Variants in MAST2 observed in about 807,000 individuals in gnomAD.
MAST2 encodes the protein microtubule associated serine/threonine kinase 2.
A neutral mutation model predicts 147.4 loss-of-function variants in MAST2; 70 were observed. The observed-to-expected ratio is 0.47, with a 90% CI of 0.39 to 0.58. MAST2 has a LOEUF of 0.58. Among genes scored for constraint, MAST2 ranks in the 20% least tolerant of loss-of-function variants. The pLI is 0.00. For synonymous variants in MAST2, 869 were observed against 896.8 expected (o/e 0.97, Z 0.55); for missense variants, 2,080 against 2,302.3 (o/e 0.90, Z 1.98).
chr1:45,952,825 A>G (rs941597763), intron 4 of MAST2, among the ~76,000 whole-genome samples: 20 of 152,234 alleles, frequency 1.3e-4, no homozygotes, highest in Admixed American at 1.0e-3. Flanking sequence ...ATTTATTACT[A>G]TCAGATCCTC....
At position 45,997,796 on chromosome 1, in the gene MAST2, G is replaced by T; in HGVS notation, c.665G>T (p.Arg222Leu). 7 of 1,613,926 alleles carry T rather than the reference G, an allele frequency of 4.3e-6. No individual in the cohort carries two copies. The highest frequency in any genetic ancestry group is 5.9e-6 in the Non-Finnish European group (7 of 1,179,862). ...APAHFSFVPA[R>L]RTDGRRWSLA... ...GCTCACTTTTCTTTTGTTCCTGCCCGTAGGTAAGTTGATAGGAAACCTCCT... is the reference window on the plus strand; with the variant it reads ...GCTCACTTTTCTTTTGTTCCTGCCCTTAGGTAAGTTGATAGGAAACCTCCT... The change falls in exon 6 of 29, where the codon CGT becomes CTT. Residue 222 changes from arginine (R) to leucine (L), a missense_variant. Physicochemically the swap from Arg to Leu is moderately radical, Grantham distance 102. Coordinates refer to ENST00000361297, the MANE Select transcript of MAST2 (RefSeq NM_015112.3).
rs369073448 is a variant in MAST2, at chr1:45,813,392, C to T, written c.177+9320C>T. Among the ~76,000 whole-genome samples the T allele has an allele frequency of 5.3e-5, 8 of 151,576 alleles. No individual in the cohort carries two copies. The South Asian group carries it at 1.5e-3, about 28-fold the overall frequency. On this transcript the variant is annotated intron_variant, in intron 1 of 28. Transcript: ENST00000361297. ...TTGCTCAGGCTGGAGTGCAGTGGTG[C>T]GATCTCAGCTCACTGGAACCTCTGC...
At chr1:46,021,620 A>C (rs993715785) in intron 11 of MAST2, among the ~76,000 whole-genome samples, 2 of 152,184 alleles carry the variant, frequency 1.3e-5, no homozygotes, top group Admixed American at 6.5e-5. Flanking sequence ...TGGACTGGGC[A>C]TCTGAATACA....
rs112828521 is a variant in MAST2, at chr1:46,019,725, G to A, written c.1290+28G>A. 6.0e-3 allele frequency: 9,508 copies of A among 1,592,718 alleles called. 37 individuals are homozygous for A. Among genetic ancestry groups the A allele is most frequent in the Middle Eastern group, 0.019 (112 of 6,026 alleles). On this transcript the variant is annotated intron_variant, in intron 11 of 28. Transcript: ENST00000361297. The stretch of plus-strand genomic sequence containing the variant: ...GAGTGGACTCTAGGAAAGTCAGGTG[G>A]GCAGATTTAGAGGAGGACTATAGAG...
At chr1:45,979,253 G>C (rs932435630) in intron 5 of MAST2, among the ~76,000 whole-genome samples, 1 of 152,138 alleles carries the variant, frequency 6.6e-6, no homozygotes, top group Non-Finnish European at 1.5e-5. Flanking sequence ...TAGTTAAACT[G>C]TATAAATGAA....
intron 3 of MAST2, among the ~76,000 whole-genome samples, chr1:45,850,518 G>A (rs147157946): frequency 8.8e-4 from 133 of 151,742 alleles, no homozygotes; most frequent in African/African-American, 3.1e-3. Flanking sequence ...GTTTCCCAAG[G>A]TCAGTGTCTG....
At chr1:45,909,616 C>T (rs1651347309) in intron 4 of MAST2, among the ~76,000 whole-genome samples, 1 of 151,126 alleles carries the variant, frequency 6.6e-6, no homozygotes, top group Non-Finnish European at 1.5e-5. Flanking sequence ...CTCCTGGGTT[C>T]AAGTGATTCT....
intron 4 of MAST2, among the ~76,000 whole-genome samples, chr1:45,893,617 C>G (rs1182077376): frequency 6.7e-6 from 1 of 150,168 alleles, no homozygotes; most frequent in Non-Finnish European, 1.5e-5. Context: ...AAAAAAAAGA[C>G]TGAAAACACT....
intron 3 of MAST2, among the ~76,000 whole-genome samples, chr1:45,836,815 G>C (rs1401307373): frequency 6.6e-6 from 1 of 152,130 alleles, no homozygotes; most frequent in Non-Finnish European, 1.5e-5. Context: ...AAGAATTATG[G>C]TATAGAACAG....
intron 3 of MAST2, among the ~76,000 whole-genome samples, chr1:45,840,196 A>G (rs1645231828): frequency 6.6e-6 from 1 of 152,222 alleles, no homozygotes; most frequent in Non-Finnish European, 1.5e-5. Context: ...AGGGGGTGGA[A>G]TGATGAGTAA....
intron 3 of MAST2, among the ~76,000 whole-genome samples, chr1:45,877,069 T>C (rs978780513): frequency 6.6e-6 from 1 of 152,150 alleles, no homozygotes; most frequent in African/African-American, 2.4e-5. Flanking sequence ...CGTGCTGCTA[T>C]AAAAAAATAC....
At chr1:45,911,703 T>A (rs532839918) in intron 4 of MAST2, among the ~76,000 whole-genome samples, 11 of 151,594 alleles carry the variant, frequency 7.3e-5, no homozygotes, top group South Asian at 6.2e-4. Flanking sequence ...ATAATAATTT[T>A]AAAAATAATA....
chr1:45,921,625 G>T (rs1300179058), intron 4 of MAST2, among the ~76,000 whole-genome samples: 1 of 152,178 alleles, frequency 6.6e-6, no homozygotes, highest in Non-Finnish European at 1.5e-5. Flanking sequence ...GCTGCATCGG[G>T]ACCAGGCGCC....
At chr1:45,870,819 T>C (rs1374168986) in intron 3 of MAST2, among the ~76,000 whole-genome samples, 1 of 151,854 alleles carries the variant, frequency 6.6e-6, no homozygotes, top group African/African-American at 2.4e-5. Flanking sequence ...GTTCCAGCTA[T>C]TTGGGAAGCT....
At chr1:46,010,170 ACTCT>A (rs1234033803) in intron 9 of MAST2, among the ~76,000 whole-genome samples, 4 of 151,998 alleles carry the variant, frequency 2.6e-5, no homozygotes, top group Admixed American at 6.6e-5. Flanking sequence ...GTTAAATGAA[ACTCT>A]CTCTCACTTA....
chr1:45,846,684 G>A (rs1300329554), intron 3 of MAST2, among the ~76,000 whole-genome samples: 1 of 151,976 alleles, frequency 6.6e-6, no homozygotes, highest in Non-Finnish European at 1.5e-5. Flanking sequence ...AATTAGCTGG[G>A]CGTGGTGGCG....
At chr1:45,820,153 AT>A (rs1341664630) in intron 1 of MAST2, among the ~76,000 whole-genome samples, 4 of 152,238 alleles carry the variant, frequency 2.6e-5, no homozygotes, top group African/African-American at 4.8e-5. Flanking sequence ...AGATATCTAC[AT>A]GCAGAAGAGT....
intron 4 of MAST2, among the ~76,000 whole-genome samples, chr1:45,952,536 A>T (rs1054886874): frequency 1.3e-5 from 2 of 152,238 alleles, no homozygotes; most frequent in Admixed American, 1.3e-4. Flanking sequence ...TGTTGGAAAT[A>T]TATCTAAAAA....
At position 45,824,487 on chromosome 1, in the gene MAST2, A is replaced by T. The variant is rs1236613579; in HGVS notation, c.232A>T (p.Ile78Leu). The T allele has an allele frequency of 6.2e-7, 1 of 1,612,968 alleles. No homozygotes were observed. The highest frequency in any genetic ancestry group is 2.2e-5 in the East Asian group (1 of 44,844). The change falls in exon 2 of 29, where the codon ATA (isoleucine) becomes TTA (leucine). Residue 78 changes from isoleucine (I) to leucine (L), a missense_variant. This residue lies in a region of MAST2 where 569 missense variants were observed against 642.5 expected (regional missense o/e 0.89). Transcript: ENST00000361297. ...LLFRKLSNPD[I>L]FSSTGKVKLQ... ...CTTCAGGAAACTCAGTAATCCTGAC[A>T]TATTTTCATCCACTGGAAAAGTTAA...
Sources: allele counts gnomAD v4.1 joint callset (sites outside exome capture counted in the v4.1 genomes callset), GRCh38; gene constraint gnomAD v4.1.1; regional missense constraint gnomAD v4.1.1; transcripts MANE v1.5; gene names NCBI Gene and HGNC (gene_info 2026-07-23, HGNC 2026-07-21).